Variants in WDR27 observed in about 807,000 individuals in gnomAD.
The protein encoded by WDR27 is WD repeat domain 27, also known as WD repeat-containing protein 27.
WDR27 carries 100 observed loss-of-function variants against 114.4 expected under a neutral mutation model. The observed-to-expected ratio is 0.87, with a 90% CI of 0.74 to 1.03. The LOEUF (loss-of-function observed/expected upper bound fraction) is 1.03. Among genes scored for constraint, WDR27 ranks in the 50% least tolerant of loss-of-function variants. The pLI, the probability that WDR27 is intolerant of heterozygous loss-of-function variation, is 0.00. For synonymous variants in WDR27, 449 were observed against 423.1 expected, an observed-to-expected ratio of 1.06 and a Z score of -0.75; for missense variants, 1,129 against 1,092.9, an observed-to-expected ratio of 1.03 and a Z score of -0.47.
intron 7 of WDR27, chr6:169,664,516 C>A (rs1827227690): frequency 5.0e-6 from 7 of 1,392,680 alleles, no homozygotes; most frequent in Non-Finnish European, 6.5e-6. Flanking sequence ...CAGCTCAGGG[C>A]ACATGGGCAG....
At chr6:169,485,429 A>C (rs889007909) in intron 25 of WDR27, among the ~76,000 whole-genome samples, 2 of 152,256 alleles carry the variant, frequency 1.3e-5, no homozygotes, top group Admixed American at 1.3e-4. Flanking sequence ...ATCACTTATC[A>C]TGAGAGAAAT....
At chr6:169,530,396 T>C (rs1425683325) in intron 25 of WDR27, among the ~76,000 whole-genome samples, 4 of 152,224 alleles carry the variant, frequency 2.6e-5, no homozygotes, top group African/African-American at 9.7e-5. Flanking sequence ...AGACCTGCCT[T>C]TTCTCTTGTC....
chr6:169,658,175 C>T lies in WDR27; in HGVS notation c.1402+101G>A. ...GAAGGATGGAAGGAAGTACGGAATG[C>T]ATATTTTAACATAAGAATTCGCAAA... On this transcript the variant is annotated intron_variant, in intron 13 of 25. Coordinates refer to ENST00000448612, the MANE Select transcript of WDR27 (RefSeq NM_182552.5). 6.8e-6 allele frequency: 6 copies of T among 883,860 alleles called. No individual in the cohort carries two copies. In the South Asian group the frequency reaches 7.3e-5, roughly 11 times the overall value. The allele number at this position is 883,860 out of a possible 1,614,324, so 54.8% of individuals were successfully genotyped here.
At chr6:169,474,622 AAG>A (rs1786885051) in intron 25 of WDR27, among the ~76,000 whole-genome samples, 1 of 152,176 alleles carries the variant, frequency 6.6e-6, no homozygotes, top group South Asian at 2.1e-4. Flanking sequence ...GAAAATGTGC[AAG>A]AGAGTTCAGA....
At chr6:169,656,236 T>G (rs986837581) in intron 13 of WDR27, among the ~76,000 whole-genome samples, 1 of 151,278 alleles carries the variant, frequency 6.6e-6, no homozygotes, top group African/African-American at 2.4e-5. Flanking sequence ...AAAAACCAAT[T>G]AGGGAGGAGT....
intron 2 of WDR27, among the ~76,000 whole-genome samples, chr6:169,683,060 G>T (rs938557493): frequency 1.3e-5 from 2 of 152,150 alleles, no homozygotes; most frequent in Non-Finnish European, 2.9e-5. Flanking sequence ...AAGCTTATGG[G>T]AGCTATGAGA....
intron 25 of WDR27, among the ~76,000 whole-genome samples, chr6:169,501,621 T>C (rs1277032978): frequency 6.6e-6 from 1 of 152,250 alleles, no homozygotes; most frequent in Non-Finnish European, 1.5e-5. Flanking sequence ...AAGCAGCACT[T>C]TCCCACGAAC....
intron 1 of WDR27, among the ~76,000 whole-genome samples, chr6:169,697,688 C>G (rs1786564438): frequency 6.6e-6 from 1 of 152,134 alleles, no homozygotes; most frequent in South Asian, 2.1e-4. Flanking sequence ...AGTTGTTTCT[C>G]TCTGTCTCCT....
At chr6:169,671,016 C>T in intron 3 of WDR27, 1 of 233,252 alleles carries the variant, frequency 4.3e-6, no homozygotes, top group Non-Finnish European at 8.3e-6. Flanking sequence ...CACCCACATC[C>T]AACCCCATGT....
intron 25 of WDR27, among the ~76,000 whole-genome samples, chr6:169,530,301 C>G (rs763779170): frequency 1.8e-4 from 28 of 152,208 alleles, no homozygotes; most frequent in Admixed American, 1.4e-3. Flanking sequence ...ATGCACTGCA[C>G]AAATTGCCTC....
In WDR27 at chr6:169,630,191, G is replaced by A. The variant is rs926253446; in HGVS notation, c.2223+2756C>T. Among the ~76,000 whole-genome samples the A allele has an allele frequency of 2.0e-5, 3 of 152,314 alleles. No individual in the cohort carries two copies. The East Asian group carries it at 5.8e-4, about 29-fold the overall frequency. On this transcript the variant is annotated intron_variant, in intron 21 of 25. Coordinates refer to ENST00000448612, the MANE Select transcript of WDR27 (RefSeq NM_182552.5). Reference sequence around the variant, plus strand: ...GATACATTTTTAGACATTGCATTTTGAGAATAATATATCAACAAATTTTAA... The same window carrying A: ...GATACATTTTTAGACATTGCATTTTAAGAATAATATATCAACAAATTTTAA...
chr6:169,608,589 G>A (rs1323641342), intron 22 of WDR27, among the ~76,000 whole-genome samples: 1 of 152,094 alleles, frequency 6.6e-6, no homozygotes, highest in African/African-American at 2.4e-5. Context: ...AACAGTATGG[G>A]GGAAACTGCC....
intron 25 of WDR27, among the ~76,000 whole-genome samples, chr6:169,465,314 C>CATTTGTAA (rs1194473201): frequency 6.8e-6 from 1 of 147,948 alleles, no homozygotes; most frequent in East Asian, 2.0e-4. Context: ...CATCACTCAT[C>CATTTGTAA]ATTTGTAAAA....
chr6:169,664,469 C>T, intron 7 of WDR27, 183 bp from the exon 8 acceptor site: 1 of 1,446,390 alleles, frequency 6.9e-7, no homozygotes, highest in Non-Finnish European at 9.0e-7. Context: ...CTCCGTACGG[C>T]CCACGGTGTC....
chr6:169,636,348 T>A, intron 19 of WDR27, 23 bp downstream of exon 19: 1 of 1,603,806 alleles, frequency 6.2e-7, no homozygotes, highest in Non-Finnish European at 8.5e-7. Flanking sequence ...CTAAAAATAA[T>A]GCACAGGGCG....
intron 23 of WDR27, among the ~76,000 whole-genome samples, chr6:169,584,940 G>A (rs980992465): frequency 5.9e-5 from 9 of 152,184 alleles, no homozygotes; most frequent in African/African-American, 1.9e-4. Context: ...CTAAAACAAT[G>A]TGGTACTGCC....
chr6:169,507,703 T>G lies in WDR27; in HGVS notation c.2646-50069A>C, dbSNP rs74615141. Among the ~76,000 whole-genome samples, 251 of 152,362 alleles carry G rather than the reference T, an allele frequency of 1.6e-3. 3 individuals carry two copies. Among genetic ancestry groups the G allele is most frequent in the African/African-American group, 5.8e-3 (241 of 41,580 alleles). On this transcript the variant is annotated intron_variant, in intron 25 of 25. Coordinates refer to ENST00000448612, the MANE Select transcript of WDR27 (RefSeq NM_182552.5). ...CTGCATATCCAGTAGATAAGAATAA[T>G]GTTTATATTTTGAAATGGTTGAAAA...
the WDR27 span, among the ~76,000 whole-genome samples, chr6:169,427,962 A>C: frequency 6.6e-6 from 1 of 151,888 alleles, no homozygotes; most frequent in East Asian, 1.9e-4. Context: ...TTTCAGCGGG[A>C]GGGGAGGAGG....
At chr6:169,675,418 G>A (rs1476119109) in intron 2 of WDR27, among the ~76,000 whole-genome samples, 2 of 152,064 alleles carry the variant, frequency 1.3e-5, no homozygotes, top group Non-Finnish European at 2.9e-5. Context: ...TGCTTGTGTC[G>A]ACAAAAGAGT....
Sources: allele counts gnomAD v4.1 joint callset (sites outside exome capture counted in the v4.1 genomes callset), GRCh38; gene constraint gnomAD v4.1.1; transcripts MANE v1.5; gene names NCBI Gene and HGNC (gene_info 2026-07-23, HGNC 2026-07-21).